The following CHODL variants were observed in gnomAD, a reference collection of about 807,000 sequenced individuals.
CHODL encodes the protein chondrolectin, also known as transmembrane protein MT75.
Under a neutral mutation model 34.5 loss-of-function variants are expected in CHODL, and 29 were observed. The observed-to-expected ratio is 0.84, with a 90% confidence interval of 0.63 to 1.15. The LOEUF is 1.15. Ranked by LOEUF, CHODL falls within the 50% of genes most tolerant of loss-of-function variation. The probability of loss-of-function intolerance (pLI) is 0.00; values close to 1 mark genes in which losing one functional copy is unlikely to be tolerated. For synonymous variants in CHODL, 125 were observed against 116.1 expected (o/e 1.08, Z -0.49); for missense variants, 332 against 332.5 (o/e 1.00, Z 0.01).
chr21:18,265,335 C>G (rs762713817), intron 5 of CHODL, among the ~76,000 whole-genome samples: 4 of 150,218 alleles, frequency 2.7e-5, no homozygotes, highest in Non-Finnish European at 5.9e-5. Context: ...TGGAATACTA[C>G]TCATCCATAC....
chr21:17,947,090 G>T (rs958121902), intron 1 of CHODL, among the ~76,000 whole-genome samples: 7 of 151,956 alleles, frequency 4.6e-5, no homozygotes, highest in Non-Finnish European at 7.4e-5. Context: ...AACATTCCAG[G>T]ATACATCATC....
intron 2 of CHODL, among the ~76,000 whole-genome samples, chr21:18,224,980 G>A (rs186807610): frequency 3.3e-5 from 5 of 152,046 alleles, no homozygotes; most frequent in Admixed American, 3.3e-4. Flanking sequence ...ACTTTGTGAC[G>A]GTAAATTTAT....
intron 1 of CHODL, among the ~76,000 whole-genome samples, chr21:18,010,905 G>A (rs1205087057): frequency 6.6e-6 from 1 of 152,166 alleles, no homozygotes; most frequent in Non-Finnish European, 1.5e-5. Context: ...TTTCAGGAAG[G>A]AAGTTTCTCC....
intron 2 of CHODL, among the ~76,000 whole-genome samples, chr21:18,146,655 C>T (rs1173107466): frequency 6.6e-6 from 1 of 152,188 alleles, no homozygotes; most frequent in Non-Finnish European, 1.5e-5. Flanking sequence ...ATAAATTACC[C>T]AGTCTCAGCT....
chr21:18,122,117 A>G (rs1391982998), intron 2 of CHODL, among the ~76,000 whole-genome samples: 1 of 152,204 alleles, frequency 6.6e-6, no homozygotes, highest in Non-Finnish European at 1.5e-5. Flanking sequence ...TGAAGAATTT[A>G]GTTTTATGAT....
rs186500618 is a variant in CHODL, at chr21:17,923,651, C to T, written c.-145+6251C>T. ...TAATTTTTTGTATTTTTAGTAGAGA[C>T]GGGGTTTCACCATGTTGGTCAGGCT... On this transcript the variant is annotated intron_variant, in intron 1 of 6. Transcript: ENST00000400127. Among the ~76,000 whole-genome samples, 51 of 151,996 alleles carry T rather than the reference C, an allele frequency of 3.4e-4. 1 individual carries two copies. Among genetic ancestry groups the T allele is most frequent in the African/African-American group, 8.0e-4 (33 of 41,468 alleles).
intron 2 of CHODL, among the ~76,000 whole-genome samples, chr21:18,153,993 C>T (rs530774838): frequency 6.6e-6 from 1 of 152,108 alleles, no homozygotes; most frequent in East Asian, 1.9e-4. Context: ...CCATCGACCT[C>T]CAGCCAGAAG....
intron 2 of CHODL, among the ~76,000 whole-genome samples, chr21:18,127,431 G>A (rs2065560203): frequency 6.6e-6 from 1 of 152,040 alleles, no homozygotes. Flanking sequence ...TGGATCCATT[G>A]GTCATGTCAG....
intron 2 of CHODL, among the ~76,000 whole-genome samples, chr21:18,174,123 GTATATATATATA>G (rs1159511070): frequency 2.8e-4 from 6 of 21,552 alleles, no homozygotes; most frequent in African/African-American, 5.9e-4. Flanking sequence ...ATATCTTGGT[GTATATATATATA>G]TATATATATA....
chr21:18,266,857 A>G lies in CHODL; in HGVS notation c.*819A>G, dbSNP rs2051358. On this transcript the variant is annotated 3_prime_UTR_variant, in exon 6 of 6. Transcript: ENST00000299295. ...GCAGTCAATTTGAACAAAAGAAGTG[A>G]CATACACAATATAAATCATATGTCT... 0.3 allele frequency: 45,675 copies of G among 152,528 alleles called. 9,369 individuals are homozygous for G. Among genetic ancestry groups the G allele is most frequent in the African/African-American group, 0.59 (24,390 of 41,428 alleles). 9.4% of individuals were successfully genotyped at this position (152,528 alleles called of 1,614,324 possible).
intron 2 of CHODL, among the ~76,000 whole-genome samples, chr21:18,128,954 T>C (rs2072616341): frequency 6.6e-6 from 1 of 152,162 alleles, no homozygotes; most frequent in South Asian, 2.1e-4. Context: ...TTTATCTAAA[T>C]AATTATACCC....
At chr21:18,014,015 A>T (rs934729387) in intron 1 of CHODL, among the ~76,000 whole-genome samples, 4 of 152,142 alleles carry the variant, frequency 2.6e-5, no homozygotes, top group Non-Finnish European at 5.9e-5. Context: ...GGGGATGGAT[A>T]TGAAGGGATT....
intron 4 of CHODL, among the ~76,000 whole-genome samples, chr21:18,261,670 CA>C (rs985443005): frequency 3.4e-5 from 5 of 146,108 alleles, no homozygotes; most frequent in South Asian, 2.1e-4. Context: ...TGTCCCTCCA[CA>C]AAAAAAAAAT....
chr21:18,078,679 G>A (rs187258288), intron 2 of CHODL, among the ~76,000 whole-genome samples: 82 of 152,168 alleles, frequency 5.4e-4, no homozygotes, highest in Middle Eastern at 3.4e-3. Context: ...CCTTATTCAT[G>A]TAACACAAAT....
chr21:17,960,224 C>T (rs937147199), intron 1 of CHODL, among the ~76,000 whole-genome samples: 6 of 152,122 alleles, frequency 3.9e-5, no homozygotes, highest in South Asian at 4.1e-4. Context: ...AGAGTATTTT[C>T]GGCAAGTTGA....
intron 1 of CHODL, among the ~76,000 whole-genome samples, chr21:17,923,961 GTGT>G (rs1336388040): frequency 1.3e-5 from 2 of 152,226 alleles, no homozygotes; most frequent in African/African-American, 4.8e-5. Context: ...TCTTTGGAGA[GTGT>G]TGTTGACATG....
chr21:18,050,059 GA>G (rs1254486928), intron 2 of CHODL, among the ~76,000 whole-genome samples: 1 of 151,960 alleles, frequency 6.6e-6, no homozygotes, highest in East Asian at 1.9e-4. Flanking sequence ...GGTAATTGCA[GA>G]TGGTGATAAT....
rs2074460141 is a variant in CHODL, at chr21:18,266,205, T to C, written c.*167T>C. On this transcript the variant is annotated 3_prime_UTR_variant, in exon 6 of 6. Coordinates refer to ENST00000299295, the MANE Select transcript of CHODL (RefSeq NM_024944.3). ...TAATTTTTATATGTCTATTATTTCA[T>C]TTAAAGAATATGCTGTGCTAATAAT... The C allele has an allele frequency of 6.5e-7, 1 of 1,537,240 alleles. No homozygotes were observed. The highest frequency in any genetic ancestry group is 1.4e-5 in the African/African-American group (1 of 72,410).
At chr21:18,241,977 T>G (rs1013492414), upstream of CHODL, among the ~76,000 whole-genome samples, 1 of 152,032 alleles carries the variant, frequency 6.6e-6, no homozygotes, top group Non-Finnish European at 1.5e-5. Context: ...CCTAATCAGT[T>G]TGAAGTTCTC....
Sources: gnomAD v4.1 joint callset for allele counts (sites outside exome capture counted in the v4.1 genomes callset) on GRCh38, gnomAD v4.1.1 for gene constraint, MANE v1.5 for transcripts, NCBI Gene and HGNC (gene_info 2026-07-23, HGNC 2026-07-21) for gene names.